Variants in MNAT1 observed in about 807,000 individuals in gnomAD.
MNAT1 encodes the protein CDK-activating kinase assembly factor MAT1.
In MNAT1, 43 loss-of-function variants were observed where a neutral mutation model predicts 42.0. The ratio of observed to expected loss-of-function variants is 1.02; its 90% CI spans 0.80 to 1.32. MNAT1 has a LOEUF of 1.32. Among genes scored for constraint, MNAT1 ranks in the 40% most tolerant of loss-of-function variants. The pLI, the probability that MNAT1 is intolerant of heterozygous loss-of-function variation, is 0.00. For missense variants in MNAT1, 306 were observed against 350.4 expected, an observed-to-expected ratio of 0.87 and a Z score of 1.01; for synonymous variants, 118 against 120.0, an observed-to-expected ratio of 0.98 and a Z score of 0.11.
At chr14:60,855,853 C>T (rs2093251) in intron 6 of MNAT1, among the ~76,000 whole-genome samples, 99,807 of 151,944 alleles carry the variant, frequency 0.66, 33,118 homozygotes, top group Admixed American at 0.72. Flanking sequence ...TTTTAGGCTG[C>T]CAGGAACCAC....
At chr14:60,795,840 C>A (rs926731337) in intron 1 of MNAT1, among the ~76,000 whole-genome samples, 1 of 152,164 alleles carries the variant, frequency 6.6e-6, no homozygotes, top group African/African-American at 2.4e-5. Context: ...AAAGAGCAGG[C>A]CCCTGGCAGA....
intron 1 of MNAT1, among the ~76,000 whole-genome samples, chr14:60,784,878 G>A (rs563650241): frequency 6.7e-6 from 1 of 149,828 alleles, no homozygotes; most frequent in South Asian, 2.1e-4. Context: ...TTGAGAACGA[G>A]TCTCAACTCT....
intron 3 of MNAT1, among the ~76,000 whole-genome samples, chr14:60,806,273 T>A (rs2032365811): frequency 6.6e-6 from 1 of 152,208 alleles, no homozygotes; most frequent in Non-Finnish European, 1.5e-5. Context: ...CTGCAAAGTG[T>A]CTCATAAGGA....
intron 1 of MNAT1, among the ~76,000 whole-genome samples, chr14:60,742,884 T>G (rs766623842): frequency 6.6e-6 from 1 of 152,364 alleles, no homozygotes; most frequent in Middle Eastern, 3.4e-3. Context: ...CTACATTTTA[T>G]CCATTCATCA....
At chr14:60,796,501 G>C in intron 2 of MNAT1, 132 bp downstream of exon 2, 1 of 760,906 alleles carries the variant, frequency 1.3e-6, no homozygotes, top group Non-Finnish European at 2.0e-6. Context: ...TAAGTTCTTA[G>C]AGAACTGAGT....
At chr14:60,912,761 T>C (rs912924649) in intron 7 of MNAT1, among the ~76,000 whole-genome samples, 1 of 152,200 alleles carries the variant, frequency 6.6e-6, no homozygotes, top group African/African-American at 2.4e-5. Context: ...CCTTAACACT[T>C]TTTCCTTCAT....
At chr14:60,929,724 T>A (rs1300244738) in intron 7 of MNAT1, among the ~76,000 whole-genome samples, 1 of 152,154 alleles carries the variant, frequency 6.6e-6, no homozygotes, top group Non-Finnish European at 1.5e-5. Flanking sequence ...ATAATAATAG[T>A]GAGCATTAGA....
intron 7 of MNAT1, among the ~76,000 whole-genome samples, chr14:60,900,505 A>G (rs1386217204): frequency 6.6e-6 from 1 of 152,170 alleles, no homozygotes; most frequent in Non-Finnish European, 1.5e-5. Flanking sequence ...TACAGAAGAA[A>G]ATTCTAAAGC....
At chr14:60,799,159 G>T (rs545542464) in intron 3 of MNAT1, 4 of 777,698 alleles carry the variant, frequency 5.1e-6, no homozygotes, top group African/African-American at 1.9e-5. Context: ...AAAAGCATGT[G>T]GAAAACATAA....
At chr14:60,818,875 A>T (rs753811670) in intron 6 of MNAT1, 28 bp downstream of exon 6, 30 of 1,602,470 alleles carry the variant, frequency 1.9e-5, no homozygotes, top group Non-Finnish European at 2.5e-5. Context: ...TGCTTGTTTG[A>T]AAGATATTTT....
At chr14:60,769,899 A>T (rs1397957782) in intron 1 of MNAT1, among the ~76,000 whole-genome samples, 1 of 152,162 alleles carries the variant, frequency 6.6e-6, no homozygotes, top group Non-Finnish European at 1.5e-5. Context: ...TCCTGAGGTC[A>T]AGCAATCCTC....
At chr14:60,865,966 G>C (rs1220331448) in intron 6 of MNAT1, among the ~76,000 whole-genome samples, 1 of 152,046 alleles carries the variant, frequency 6.6e-6, no homozygotes, top group African/African-American at 2.4e-5. Flanking sequence ...TCAGCCTTCA[G>C]AGGTTCTCCC....
At position 60,913,359 on chromosome 14, in the gene MNAT1, G is replaced by A. The variant is rs139995244; in HGVS notation, c.809+33524G>A. Among the ~76,000 whole-genome samples the A allele has an allele frequency of 1.3e-3, 204 of 152,220 alleles. No individual in the cohort carries two copies. The East Asian group carries it at 0.023, about 17-fold the overall frequency. ...GTCATGCTCCATCCAGCTTTGTTCCGTTGCTGGTGAGGAGCTGCATTCCTT... is the reference window on the plus strand; with the variant it reads ...GTCATGCTCCATCCAGCTTTGTTCCATTGCTGGTGAGGAGCTGCATTCCTT... On this transcript the variant is annotated intron_variant, in intron 7 of 7. Transcript: ENST00000261245.
intron 7 of MNAT1, among the ~76,000 whole-genome samples, chr14:60,907,005 GC>G (rs1005971961): frequency 6.0e-4 from 91 of 152,124 alleles, no homozygotes; most frequent in African/African-American, 2.0e-3. Flanking sequence ...GCTATATTTA[GC>G]CTCACTCAAG....
chr14:60,811,302 T>C (rs867537554), intron 4 of MNAT1, among the ~76,000 whole-genome samples: 5 of 25,240 alleles, frequency 2.0e-4, no homozygotes, highest in Admixed American at 1.3e-3. Context: ...TTCTTTCTTT[T>C]TTTTTTTTTT....
At chr14:60,775,709 A>T (rs941943230) in intron 1 of MNAT1, among the ~76,000 whole-genome samples, 4 of 152,186 alleles carry the variant, frequency 2.6e-5, no homozygotes, top group African/African-American at 9.6e-5. Context: ...GAATGCAGTT[A>T]ATATGGTTAT....
chr14:60,889,103 A>G (rs1021132206), intron 7 of MNAT1, among the ~76,000 whole-genome samples: 7 of 151,914 alleles, frequency 4.6e-5, no homozygotes, highest in Non-Finnish European at 2.9e-5. Flanking sequence ...AACTTACTTT[A>G]AAGTTCATAT....
chr14:60,860,624 T>G (rs2034074816), intron 6 of MNAT1, among the ~76,000 whole-genome samples: 1 of 152,110 alleles, frequency 6.6e-6, no homozygotes, highest in African/African-American at 2.4e-5. Flanking sequence ...AGTGCTGGGA[T>G]TACAGGCGTG....
chr14:60,813,907 G>T (rs76206529), intron 5 of MNAT1, among the ~76,000 whole-genome samples: 1,985 of 152,154 alleles, frequency 0.013, 43 homozygotes, highest in African/African-American at 0.046. Context: ...CTCTAAGAAC[G>T]ATGTTAAAAT....
Sources: gnomAD v4.1 joint callset for allele counts (sites outside exome capture counted in the v4.1 genomes callset) on GRCh38, gnomAD v4.1.1 for gene constraint, MANE v1.5 for transcripts, NCBI Gene and HGNC (gene_info 2026-07-23, HGNC 2026-07-21) for gene names.